The following SEC22A variants were observed in gnomAD, a reference collection of about 807,000 sequenced individuals.
SEC22A encodes the protein vesicle-trafficking protein SEC22a.
Under a neutral mutation model 35.3 loss-of-function variants are expected in SEC22A, and 22 were observed. That is an observed-to-expected ratio of 0.62 (90% CI 0.45 to 0.89). The LOEUF is 0.89. Ranked by LOEUF, SEC22A falls within the 40% of genes least tolerant of loss-of-function variation. SEC22A has a pLI of 0.00. For missense variants in SEC22A, 354 were observed against 362.5 expected (o/e 0.98, Z 0.19); for synonymous variants, 119 against 129.5 (o/e 0.92, Z 0.55).
chr3:123,234,065 T>C lies in SEC22A; in HGVS notation c.541+8768T>C, dbSNP rs185369310. ...TATTCTATACACTAACAATGAACAA[T>C]CTGAAAATGAAATTAAGAAAACCCT... On this transcript the variant is annotated intron_variant, in intron 4 of 6. Coordinates refer to ENST00000492595, the MANE Select transcript of SEC22A (RefSeq NM_012430.5). 1.5e-4 allele frequency among the ~76,000 whole-genome samples: 23 copies of C among 152,232 alleles called. 1 individual carries two copies. The highest frequency in any genetic ancestry group is 6.5e-4 in the Admixed American group (10 of 15,300).
chr3:123,223,430 A>G (rs1401437919), intron 2 of SEC22A, 129 bp from the exon 3 acceptor site: 5 of 679,356 alleles, frequency 7.4e-6, no homozygotes, highest in African/African-American at 1.8e-5. Context: ...TTCCTAGAAT[A>G]TATAATAAAT....
intron 5 of SEC22A, among the ~76,000 whole-genome samples, chr3:123,256,098 C>T (rs993980061): frequency 1.3e-5 from 2 of 152,122 alleles, no homozygotes; most frequent in South Asian, 2.1e-4. Flanking sequence ...AATAGAAAAT[C>T]TGTATTCAAA....
At chr3:123,205,963 A>G (rs1163919232) in intron 1 of SEC22A, among the ~76,000 whole-genome samples, 2 of 152,206 alleles carry the variant, frequency 1.3e-5, no homozygotes, top group Non-Finnish European at 2.9e-5. Context: ...TTTAGAAAGC[A>G]TGGATCATAT....
chr3:123,223,826 T>G (rs1937173248), intron 3 of SEC22A, 104 bp downstream of exon 3: 1 of 780,686 alleles, frequency 1.3e-6, no homozygotes. Flanking sequence ...ATCTTGCTTT[T>G]GATATAATAA....
chr3:123,206,942 G>A (rs1936864124), intron 1 of SEC22A, among the ~76,000 whole-genome samples: 1 of 152,142 alleles, frequency 6.6e-6, no homozygotes. Flanking sequence ...ACAAAAATGA[G>A]CTGGGTGTTG....
chr3:123,211,291 A>C (rs1432782838), intron 2 of SEC22A, among the ~76,000 whole-genome samples: 2 of 152,132 alleles, frequency 1.3e-5, no homozygotes, highest in Non-Finnish European at 1.5e-5. Context: ...ACTTCAAAAG[A>C]AGTGACCAAG....
At chr3:123,250,024 G>A (rs1937598385) in intron 5 of SEC22A, among the ~76,000 whole-genome samples, 1 of 152,140 alleles carries the variant, frequency 6.6e-6, no homozygotes, top group African/African-American at 2.4e-5. Context: ...AAAAATATGT[G>A]GAACTCTCTG....
At chr3:123,229,046 G>C (rs1455926106) in intron 4 of SEC22A, among the ~76,000 whole-genome samples, 1 of 152,108 alleles carries the variant, frequency 6.6e-6, no homozygotes, top group Admixed American at 6.5e-5. Context: ...GAAGAAGAAG[G>C]GGGAGAAAAA....
intron 1 of SEC22A, among the ~76,000 whole-genome samples, chr3:123,205,145 G>A (rs9856714): frequency 0.2 from 29,883 of 152,148 alleles, 3,036 homozygotes; most frequent in Middle Eastern, 0.28. Flanking sequence ...GCCTAAGGTG[G>A]TTGGAATCTG....
intron 6 of SEC22A, among the ~76,000 whole-genome samples, chr3:123,261,133 C>G (rs1027636885): frequency 6.6e-6 from 1 of 151,990 alleles, no homozygotes; most frequent in Non-Finnish European, 1.5e-5. Flanking sequence ...CCGCGCCTGA[C>G]CAAAAAAATT....
At chr3:123,253,462 C>A (rs1937643089) in intron 5 of SEC22A, among the ~76,000 whole-genome samples, 1 of 151,782 alleles carries the variant, frequency 6.6e-6, no homozygotes, top group Non-Finnish European at 1.5e-5. Context: ...GCTTGTAATC[C>A]CAGCACTTTG....
chr3:123,257,981 GACTC>G (rs1450642434), intron 5 of SEC22A, among the ~76,000 whole-genome samples: 2 of 103,706 alleles, frequency 1.9e-5, no homozygotes, highest in African/African-American at 6.3e-5. Context: ...GACAGAGCAA[GACTC>G]CATCTCATTG....
In SEC22A at chr3:123,209,251, G is replaced by A. The variant is rs1252744678; in HGVS notation, c.34G>A (p.Val12Ile). Residue 12 changes from valine (V) to isoleucine (I), a missense_variant, in exon 2 of 7, where the codon GTC becomes ATC. Coordinates refer to ENST00000492595, the MANE Select transcript of SEC22A (RefSeq NM_012430.5). ...SMILSASVIR[V>I]RDGLPLSAST... ...GATTTTATCTGCCTCAGTCATTCGT[G>A]TCAGAGATGGACTGCCACTTTCTGC... 5 of 1,614,044 alleles carry A rather than the reference G, an allele frequency of 3.1e-6. No homozygotes were observed. The South Asian group carries it at 5.5e-5, about 18-fold the overall frequency.
chr3:123,260,153 A>C (rs1280438060), intron 6 of SEC22A, among the ~76,000 whole-genome samples: 3 of 125,334 alleles, frequency 2.4e-5, no homozygotes, highest in Non-Finnish European at 3.5e-5. Context: ...AAAAAAAAAA[A>C]AAAAAAAAAA....
At chr3:123,268,649 A>G (rs1938077585) in intron 6 of SEC22A, among the ~76,000 whole-genome samples, 1 of 152,222 alleles carries the variant, frequency 6.6e-6, no homozygotes, top group Non-Finnish European at 1.5e-5. Flanking sequence ...TTCTAAGAAT[A>G]CAGACATCTG....
chr3:123,230,809 G>C (rs7626920), intron 4 of SEC22A, among the ~76,000 whole-genome samples: 1 of 150,706 alleles, frequency 6.6e-6, no homozygotes, highest in Non-Finnish European at 1.5e-5. Flanking sequence ...CAGTAATAAT[G>C]TTATATATGA....
chr3:123,228,088 C>T (rs1937247088), intron 4 of SEC22A, among the ~76,000 whole-genome samples: 1 of 151,898 alleles, frequency 6.6e-6, no homozygotes, highest in Admixed American at 6.6e-5. Context: ...ACTTCACATA[C>T]AAATGTGGGA....
intron 4 of SEC22A, among the ~76,000 whole-genome samples, chr3:123,231,041 T>G (rs577958800): frequency 6.6e-6 from 1 of 152,108 alleles, no homozygotes; most frequent in South Asian, 2.1e-4. Context: ...AAAATGGACT[T>G]TACGACAAAC....
chr3:123,212,005 C>T (rs1391357030), intron 2 of SEC22A, among the ~76,000 whole-genome samples: 2 of 152,052 alleles, frequency 1.3e-5, no homozygotes, highest in Non-Finnish European at 2.9e-5. Context: ...TGCAGTGAGC[C>T]ATGATCTCAC....
Sources: gnomAD v4.1 joint callset for allele counts (sites outside exome capture counted in the v4.1 genomes callset) on GRCh38, gnomAD v4.1.1 for gene constraint, MANE v1.5 for transcripts, NCBI Gene and HGNC (gene_info 2026-07-23, HGNC 2026-07-21) for gene names.